The following LRRC7 variants were observed in gnomAD, a reference collection of about 807,000 sequenced individuals.
LRRC7 encodes the protein leucine-rich repeat-containing protein 7.
LRRC7 carries 23 observed loss-of-function variants against 175.7 expected under a neutral mutation model. The ratio of observed to expected loss-of-function variants is 0.13; its 90% CI spans 0.09 to 0.19. LRRC7 has a LOEUF of 0.19. LRRC7 is among the 10% of genes least tolerant of loss of function. The pLI is 1.00. For missense variants in LRRC7, 1,354 were observed against 1,904.7 expected, an observed-to-expected ratio of 0.71 and a Z score of 5.38; for synonymous variants, 685 against 680.9, an observed-to-expected ratio of 1.01 and a Z score of -0.09.
rs536348466 is a variant in LRRC7, at chr1:69,907,611, C to A, written c.648-23896C>A. ...CAGCCTTGCATCCCAGGGATGAAGC[C>A]CAGCTGATCATGATGGATAAGCTTT... On this transcript the variant is annotated intron_variant, in intron 7 of 26. Transcript: ENST00000651989. 5.9e-5 allele frequency among the ~76,000 whole-genome samples: 9 copies of A among 152,224 alleles called. No homozygotes were observed. The East Asian group carries it at 9.7e-4, about 16-fold the overall frequency.
intron 3 of LRRC7, among the ~76,000 whole-genome samples, chr1:69,791,013 T>C (rs759953572): frequency 1.8e-4 from 27 of 152,008 alleles, no homozygotes; most frequent in Non-Finnish European, 3.1e-4. Context: ...ACGAATTACA[T>C]GGGAGAACAA....
chr1:70,047,579 AC>A (rs1660423293), intron 22 of LRRC7, among the ~76,000 whole-genome samples: 2 of 152,140 alleles, frequency 1.3e-5, no homozygotes, highest in Admixed American at 6.6e-5. Context: ...CACTTGATAA[AC>A]TATTTACATA....
At chr1:69,578,865 CA>C in intron 1 of LRRC7, among the ~76,000 whole-genome samples, 2 of 150,692 alleles carry the variant, frequency 1.3e-5, no homozygotes, top group South Asian at 4.2e-4. Context: ...ATGGGTGCAG[CA>C]CACCAGCATG....
chr1:70,060,333 C>CA (rs113146410), intron 23 of LRRC7, among the ~76,000 whole-genome samples: 5 of 148,690 alleles, frequency 3.4e-5, no homozygotes, highest in East Asian at 3.9e-4. Context: ...CCCACCCCCC[C>CA]AAAAAAAAAT....
At position 70,035,416 on chromosome 1, in the gene LRRC7, G is replaced by A. The variant is rs551991159; in HGVS notation, c.1996-705G>A. Among the ~76,000 whole-genome samples, 5 of 152,016 alleles carry A rather than the reference G, an allele frequency of 3.3e-5. No homozygotes were observed. The East Asian group carries it at 9.7e-4, about 29-fold the overall frequency. The stretch of plus-strand genomic sequence containing the variant: ...GAAGTTATAGTCGTGTATCGATGTT[G>A]CTCGTTACACTCAAAGAAGGGATAT... On this transcript the variant is annotated intron_variant, in intron 18 of 26. Transcript: ENST00000651989.
intron 8 of LRRC7, among the ~76,000 whole-genome samples, chr1:69,971,080 GT>G (rs1652187692): frequency 1.3e-5 from 2 of 151,942 alleles, no homozygotes; most frequent in Admixed American, 1.3e-4. Context: ...ATCCAGCATC[GT>G]TTTTGATTAA....
chr1:70,003,481 A>G (rs1454848954), intron 11 of LRRC7, among the ~76,000 whole-genome samples: 1 of 152,218 alleles, frequency 6.6e-6, no homozygotes, highest in African/African-American at 2.4e-5. Flanking sequence ...CAAAGAACTT[A>G]GAGCAATTTA....
At chr1:69,810,754 C>T (rs750573856) in intron 4 of LRRC7, among the ~76,000 whole-genome samples, 19 of 152,142 alleles carry the variant, frequency 1.2e-4, no homozygotes, top group Non-Finnish European at 2.6e-4. Flanking sequence ...TTTCCTTGCA[C>T]CTTACACAAA....
At chr1:70,092,295 C>G (rs866506173) in intron 25 of LRRC7, among the ~76,000 whole-genome samples, 2 of 151,996 alleles carry the variant, frequency 1.3e-5, no homozygotes, top group East Asian at 3.9e-4. Context: ...TGTTTAAGAT[C>G]AAAAAATACT....
At chr1:70,059,238 A>G (rs1172138708) in intron 23 of LRRC7, among the ~76,000 whole-genome samples, 3 of 152,128 alleles carry the variant, frequency 2.0e-5, no homozygotes, top group African/African-American at 7.2e-5. Context: ...ATGACTTGGC[A>G]GTTGGAGTAA....
chr1:69,939,414 A>G (rs1648466611), intron 8 of LRRC7, among the ~76,000 whole-genome samples: 1 of 151,992 alleles, frequency 6.6e-6, no homozygotes, highest in African/African-American at 2.4e-5. Context: ...TTCTAGTGTC[A>G]CCACAGTGAA....
intron 1 of LRRC7, among the ~76,000 whole-genome samples, chr1:69,652,637 T>G (rs921652242): frequency 9.9e-5 from 15 of 152,082 alleles, no homozygotes; most frequent in African/African-American, 3.6e-4. Context: ...TTCTATAATT[T>G]GGAAAAACTC....
chr1:69,649,490 C>T (rs1570160849), intron 1 of LRRC7, among the ~76,000 whole-genome samples: 2 of 152,160 alleles, frequency 1.3e-5, no homozygotes, highest in South Asian at 2.1e-4. Flanking sequence ...TTGTGTATGA[C>T]ATATAAAAGG....
chr1:69,782,197 A>G (rs1441793395), intron 3 of LRRC7, among the ~76,000 whole-genome samples: 1 of 152,210 alleles, frequency 6.6e-6, no homozygotes, highest in African/African-American at 2.4e-5. Context: ...AATGGTGACT[A>G]TCTTGCTATT....
rs1666905263 is a variant in LRRC7 at position 70,137,126 on chromosome 1, C to T, written c.*15239C>T. Among the ~76,000 whole-genome samples, 1 of 152,150 alleles carries T rather than the reference C, an allele frequency of 6.6e-6. No homozygotes were observed. The highest frequency in any genetic ancestry group is 2.1e-4 in the South Asian group (1 of 4,828). ...GTATCTTGTCAAAAAGGACAAGGCT[C>T]AGGTGACAGTGGGGACGTAAATAAC... On this transcript the variant is annotated 3_prime_UTR_variant, in exon 27 of 27. Coordinates refer to ENST00000651989, the MANE Select transcript of LRRC7 (RefSeq NM_001370785.2).
At chr1:70,114,098 T>G (rs932262907) in intron 26 of LRRC7, among the ~76,000 whole-genome samples, 4 of 152,096 alleles carry the variant, frequency 2.6e-5, no homozygotes, top group Admixed American at 6.6e-5. Flanking sequence ...AAATTGTTTA[T>G]GGTTAAAATG....
chr1:70,066,233 A>G (rs376222478), intron 23 of LRRC7, among the ~76,000 whole-genome samples: 1 of 151,878 alleles, frequency 6.6e-6, no homozygotes, highest in South Asian at 2.1e-4. Flanking sequence ...AATCTTCACC[A>G]CTTTCTCTTA....
At chr1:69,706,893 CT>C (rs2100717637) in intron 2 of LRRC7, among the ~76,000 whole-genome samples, 2 of 152,238 alleles carry the variant, frequency 1.3e-5, no homozygotes, top group South Asian at 4.1e-4. Context: ...GTGGTTCCTA[CT>C]TTGTATTTGA....
intron 21 of LRRC7, 83 bp downstream of exon 21, chr1:70,039,876 C>T (rs1294254833): frequency 2.9e-6 from 4 of 1,384,786 alleles, no homozygotes; most frequent in Non-Finnish European, 3.9e-6. Flanking sequence ...TGTAGTGAAG[C>T]ATGAACTACA....
Sources: gnomAD v4.1 joint callset for allele counts (sites outside exome capture counted in the v4.1 genomes callset) on GRCh38, gnomAD v4.1.1 for gene constraint, MANE v1.5 for transcripts, NCBI Gene and HGNC (gene_info 2026-07-23, HGNC 2026-07-21) for gene names.